ZFYVE21: variants seen among roughly 807,000 people sequenced by gnomAD.
ZFYVE21 encodes zinc finger FYVE-type containing 21, also known as zinc finger FYVE domain-containing protein 21.
In ZFYVE21, 21 loss-of-function variants were observed where a neutral mutation model predicts 29.5. The ratio of observed to expected loss-of-function variants is 0.71; its 90% CI spans 0.50 to 1.02. The LOEUF is 1.02. ZFYVE21 is among the 50% of genes least tolerant of loss of function. The pLI is 0.00. For missense variants in ZFYVE21, 326 were observed against 335.4 expected (o/e 0.97, Z 0.22); for synonymous variants, 151 against 133.8 (o/e 1.13, Z -0.89).
At chr14:103,729,630 C>T in intron 5 of ZFYVE21, 2 of 883,254 alleles carry the variant, frequency 2.3e-6, no homozygotes, top group Non-Finnish European at 3.4e-6. Flanking sequence ...TTGGCCCATC[C>T]TGGGCCTCTC....
intron 3 of ZFYVE21, among the ~76,000 whole-genome samples, chr14:103,728,326 AG>A (rs2083947484): frequency 6.6e-6 from 1 of 152,182 alleles, no homozygotes; most frequent in African/African-American, 2.4e-5. Context: ...GTGTGGGAGA[AG>A]GGCATTCTCC....
chr14:103,724,341 C>T (rs899552069), intron 1 of ZFYVE21, among the ~76,000 whole-genome samples: 15 of 152,372 alleles, frequency 9.8e-5, no homozygotes, highest in African/African-American at 1.7e-4. Context: ...AGCTTTCCCA[C>T]GGAGGGGCCG....
chr14:103,729,777 C>T, intron 5 of ZFYVE21: 2 of 1,536,528 alleles, frequency 1.3e-6, no homozygotes, highest in Non-Finnish European at 1.7e-6. Context: ...ACTGCCTGCC[C>T]ACCTTCTTGC....
chr14:103,719,471 A>AAC (rs1491020970), intron 1 of ZFYVE21, among the ~76,000 whole-genome samples: 1 of 151,542 alleles, frequency 6.6e-6, no homozygotes, highest in Non-Finnish European at 1.5e-5. Flanking sequence ...AAAAAAAAAA[A>AAC]AGTCCAGGTA....
At chr14:103,721,404 G>T (rs1024785937) in intron 1 of ZFYVE21, among the ~76,000 whole-genome samples, 18 of 152,230 alleles carry the variant, frequency 1.2e-4, no homozygotes, top group Non-Finnish European at 2.1e-4. Flanking sequence ...AGCTCCTTCT[G>T]TGTCCATATA....
At chr14:103,722,603 A>G (rs2083882628) in intron 1 of ZFYVE21, among the ~76,000 whole-genome samples, 1 of 152,016 alleles carries the variant, frequency 6.6e-6, no homozygotes. Context: ...GCAGATCACA[A>G]GGTCAGGAGA....
At chr14:103,728,315 G>C (rs905564773) in intron 3 of ZFYVE21, among the ~76,000 whole-genome samples, 5 of 152,190 alleles carry the variant, frequency 3.3e-5, no homozygotes, top group Non-Finnish European at 7.3e-5. Context: ...CTGGGGACCT[G>C]GTGTGGGAGA....
intron 1 of ZFYVE21, chr14:103,724,937 A>G (rs1303083358): frequency 6.6e-6 from 1 of 152,264 alleles, no homozygotes; most frequent in African/African-American, 2.4e-5. Context: ...TGCGCTGCTG[A>G]AGGGCCTGCT....
At chr14:103,732,429 G>A in intron 5 of ZFYVE21, 191 bp from the exon 6 acceptor site, 1 of 575,588 alleles carries the variant, frequency 1.7e-6, no homozygotes, top group Non-Finnish European at 2.7e-6. Flanking sequence ...CCCCACCTGT[G>A]AGCTTGGGGT....
chr14:103,723,568 G>A (rs1199963360), intron 1 of ZFYVE21, among the ~76,000 whole-genome samples: 1 of 152,250 alleles, frequency 6.6e-6, no homozygotes, highest in Non-Finnish European at 1.5e-5. Context: ...TGGGGCAGTG[G>A]CGACATGGAA....
chr14:103,731,867 C>G (rs1384224419), intron 5 of ZFYVE21: 1 of 152,224 alleles, frequency 6.6e-6, no homozygotes, highest in African/African-American at 2.4e-5. Context: ...GGGTCTCTTT[C>G]AACACCAGCC....
At chr14:103,728,146 T>C (rs1595691986) in intron 3 of ZFYVE21, 3 of 470,644 alleles carry the variant, frequency 6.4e-6, no homozygotes, top group African/African-American at 6.1e-5. Flanking sequence ...GGCACGTCCA[T>C]CAGGTGGGAG....
chr14:103,716,836 A>G lies in ZFYVE21; in HGVS notation c.138+857A>G, dbSNP rs2083823851. Reference sequence around the variant, plus strand: ...GGCCAACTGGGAAGGCCCCGAGTGCATTTAATCCCACTGGCTGTGCGCTAA... The same window carrying G: ...GGCCAACTGGGAAGGCCCCGAGTGCGTTTAATCCCACTGGCTGTGCGCTAA... On this transcript the variant is annotated intron_variant, in intron 1 of 6. Transcript: ENST00000311141. The surrounding 1 kb of genome is among the most constrained non-coding windows in gnomAD (Gnocchi z 4.8). Among the ~76,000 whole-genome samples, 1 of 152,100 alleles carries G rather than the reference A, an allele frequency of 6.6e-6. No homozygotes were observed.
At chr14:103,728,688 C>T (rs922791021) in intron 3 of ZFYVE21, 7 of 539,800 alleles carry the variant, frequency 1.3e-5, no homozygotes, top group Non-Finnish European at 2.0e-5. Context: ...TGTAAGCAAG[C>T]AGAACCTGTC....
rs1555431050 is a variant in ZFYVE21 at position 103,733,651 on chromosome 14, C to CTATT, written c.*635_*638dup. The CTATT allele has an allele frequency of 1.3e-5, 2 of 152,682 alleles. No individual in the cohort carries two copies. The highest frequency in any genetic ancestry group is 4.8e-5 in the African/African-American group (2 of 41,458). The allele number at this position is 152,682 out of a possible 1,614,324, so 9.5% of individuals were successfully genotyped here. ...TGTATATAAAGCTTATGATTAAAAA[C>CTATT]TATTTTGAACATACGGACAAGGCCT... On this transcript the variant is annotated 3_prime_UTR_variant, in exon 7 of 7. Transcript: ENST00000311141.
At chr14:103,726,723 C>T (rs1298496824) in intron 1 of ZFYVE21, 69 bp from the exon 2 acceptor site, 15 of 1,593,282 alleles carry the variant, frequency 9.4e-6, no homozygotes, top group Middle Eastern at 1.7e-4. Flanking sequence ...CTCAGCAGCC[C>T]GTGGTCGTGC....
intron 1 of ZFYVE21, among the ~76,000 whole-genome samples, chr14:103,723,252 A>T (rs2083889354): frequency 6.6e-6 from 1 of 152,212 alleles, no homozygotes; most frequent in Non-Finnish European, 1.5e-5. Flanking sequence ...GGAAGGGGCC[A>T]CCACACAGAG....
intron 1 of ZFYVE21, 85 bp from the exon 2 acceptor site, chr14:103,726,707 A>G (rs955683867): frequency 1.3e-6 from 2 of 1,558,490 alleles, no homozygotes; most frequent in African/African-American, 2.7e-5. Flanking sequence ...GGCAGGGCCC[A>G]GCTTTCTCAG....
rs1307800079 is a variant in ZFYVE21, at chr14:103,716,911, A to G, written c.138+932A>G. Among the ~76,000 whole-genome samples, 3 of 152,188 alleles carry G rather than the reference A, an allele frequency of 2.0e-5. No individual in the cohort carries two copies. The highest frequency in any genetic ancestry group is 7.2e-5 in the African/African-American group (3 of 41,432). On this transcript the variant is annotated intron_variant, in intron 1 of 6. Transcript: ENST00000311141. This position sits in a 1 kb window ranked among gnomAD's most constrained non-coding sequence, Gnocchi z 4.8. ...TGGATTTTACCACGATAAAAAAAAA[A>G]TTGGGGGAGAAAAAGAATTTTTGTA...
Sources: gnomAD v4.1 joint callset for allele counts (sites outside exome capture counted in the v4.1 genomes callset) on GRCh38, gnomAD v4.1.1 for gene constraint, Gnocchi (gnomAD v3.1) non-coding constraint, MANE v1.5 for transcripts, NCBI Gene and HGNC (gene_info 2026-07-23, HGNC 2026-07-21) for gene names.